EFCAB6: variants seen among roughly 807,000 people sequenced by gnomAD.
EFCAB6 encodes EF-hand calcium binding domain 6.
Under a neutral mutation model 169.8 loss-of-function variants are expected in EFCAB6, and 156 were observed. That is an observed-to-expected ratio of 0.92 (90% CI 0.81 to 1.05). The LOEUF (loss-of-function observed/expected upper bound fraction) is 1.05. EFCAB6 is among the 50% of genes least tolerant of loss of function. The pLI is 0.00. For synonymous variants in EFCAB6, 698 were observed against 676.4 expected (o/e 1.03, Z -0.50); for missense variants, 1,800 against 1,829.1 (o/e 0.98, Z 0.29).
chr22:43,746,839 T>G (rs571567338), intron 6 of EFCAB6, among the ~76,000 whole-genome samples: 2 of 152,324 alleles, frequency 1.3e-5, no homozygotes, highest in Admixed American at 6.5e-5. Context: ...CCCACACTCA[T>G]AGGATGGGTA....
At chr22:43,641,182 T>A (rs1440106112) in intron 17 of EFCAB6, among the ~76,000 whole-genome samples, 1 of 152,194 alleles carries the variant, frequency 6.6e-6, no homozygotes, top group Non-Finnish European at 1.5e-5. Flanking sequence ...GATGTCAACA[T>A]ACGGAACAGC....
At chr22:43,627,938 A>T (rs1002416233) in intron 19 of EFCAB6, among the ~76,000 whole-genome samples, 11 of 152,212 alleles carry the variant, frequency 7.2e-5, no homozygotes, top group Non-Finnish European at 1.5e-4. Context: ...GTGGAAATGA[A>T]TTTAAAAGAT....
At position 43,608,602 on chromosome 22, in the gene EFCAB6, TACA is replaced by T. The variant is rs773630878; in HGVS notation, c.2563-5_2563-3del. On this transcript the variant is annotated splice_region_variant and splice_polypyrimidine_tract_variant and intron_variant, in intron 21 of 31. Transcript: ENST00000262726. ...CTCATTATCGGTTTCTAGAAAATTC[TACA>T]ACATCAGAATACGGTATTTAGGAAC... is the stretch of plus-strand genomic sequence containing the variant. 8 of 1,613,850 alleles carry T rather than the reference TACA, an allele frequency of 5.0e-6. No individual in the cohort carries two copies. In the South Asian group the frequency reaches 6.6e-5, roughly 13 times the overall value.
chr22:43,663,224 C>T lies in EFCAB6; in HGVS notation c.1983+3880G>A, dbSNP rs149430936. On this transcript the variant is annotated intron_variant, in intron 17 of 31. Coordinates refer to ENST00000262726, the MANE Select transcript of EFCAB6 (RefSeq NM_022785.4). ...ATTGCCATTACAAAATTACTATTGT[C>T]CATTATACTTAGAGCTCTCTTGAGA... 7.5e-3 allele frequency among the ~76,000 whole-genome samples: 1,146 copies of T among 152,302 alleles called. 7 individuals are homozygous for T. The highest frequency in any genetic ancestry group is 0.017 in the Middle Eastern group (5 of 294).
intron 2 of EFCAB6, among the ~76,000 whole-genome samples, chr22:43,784,571 G>GTA (rs1172964109): frequency 2.1e-4 from 13 of 62,672 alleles, no homozygotes; most frequent in African/African-American, 6.2e-4. Context: ...ATATATATGT[G>GTA]TACATATACA....
intron 2 of EFCAB6, among the ~76,000 whole-genome samples, chr22:43,785,053 T>C (rs560392484): frequency 2.0e-5 from 3 of 152,006 alleles, no homozygotes; most frequent in Admixed American, 6.6e-5. Context: ...ACTAACTAAA[T>C]TGGAAAATAG....
chr22:43,581,903 A>C (rs1887303802), intron 24 of EFCAB6, among the ~76,000 whole-genome samples: 1 of 152,226 alleles, frequency 6.6e-6, no homozygotes, highest in African/African-American at 2.4e-5. Flanking sequence ...TGTAGTAATA[A>C]AATCATATGC....
chr22:43,539,008 C>T (rs2147054374), intron 28 of EFCAB6, among the ~76,000 whole-genome samples: 1 of 152,262 alleles, frequency 6.6e-6, no homozygotes, highest in South Asian at 2.1e-4. Flanking sequence ...TTGTGGCCCC[C>T]TCCTCTCTCT....
rs2147719321 is a variant in EFCAB6 at position 43,615,996 on chromosome 22, A to G, written c.2466-74T>C. 11 of 1,272,396 alleles carry G rather than the reference A, an allele frequency of 8.6e-6. No individual in the cohort carries two copies. In the South Asian group the frequency reaches 1.2e-4, roughly 14 times the overall value. 78.8% of individuals were successfully genotyped at this position (1,272,396 alleles called of 1,614,324 possible). A position where few individuals can be genotyped will look rare whatever the true frequency, so the allele number is the denominator to read the frequency against. ...CATTAATCTCCCAAGGGGTTTCCCT[A>G]TCCCCCCTGTTTGTTTCAAGGATAC... On this transcript the variant is annotated intron_variant, in intron 20 of 31. Transcript: ENST00000262726.
chr22:43,731,194 T>C lies in EFCAB6; in HGVS notation c.757+505A>G, dbSNP rs371463903. On this transcript the variant is annotated intron_variant, in intron 8 of 31. Transcript: ENST00000262726. ...TGGAGGAGGCTGGAGTAAAGACTGT[T>C]CGCACGAGGAAACACGTTCTGTCTC... is the stretch of plus-strand genomic sequence containing the variant. Among the ~76,000 whole-genome samples, 51 of 152,320 alleles carry C rather than the reference T, an allele frequency of 3.3e-4. No homozygotes were observed. In the South Asian group the frequency reaches 0.011, roughly 32 times the overall value.
At chr22:43,581,093 A>G (rs1400368800) in intron 24 of EFCAB6, among the ~76,000 whole-genome samples, 1 of 152,168 alleles carries the variant, frequency 6.6e-6, no homozygotes, top group Non-Finnish European at 1.5e-5. Context: ...CGGCTCAAAG[A>G]CAGTGTGGAA....
At chr22:43,600,734 G>T (rs961302499) in intron 22 of EFCAB6, among the ~76,000 whole-genome samples, 7 of 152,254 alleles carry the variant, frequency 4.6e-5, no homozygotes, top group African/African-American at 1.7e-4. Context: ...TGCGAGCTGG[G>T]CTCACTACAA....
At position 43,554,706 on chromosome 22, in the gene EFCAB6, C is replaced by T. The variant is rs1163334253; in HGVS notation, c.3648+163G>A. ...GTGTAATTTATAGTTGTTACATAAA[C>T]AGAAGATTCCTGTGAATCTTCAGGA... On this transcript the variant is annotated intron_variant, in intron 27 of 31. Transcript: ENST00000262726. The T allele has an allele frequency of 6.2e-6, 4 of 640,822 alleles. No individual in the cohort carries two copies. In the East Asian group the frequency reaches 8.2e-5, roughly 13 times the overall value. The allele number at this position is 640,822 out of a possible 1,614,324, so 39.7% of individuals were successfully genotyped here.
At chr22:43,565,036 C>T (rs1014275637) in intron 26 of EFCAB6, among the ~76,000 whole-genome samples, 1 of 152,196 alleles carries the variant, frequency 6.6e-6, no homozygotes, top group Non-Finnish European at 1.5e-5. Flanking sequence ...GTGGCAGCTC[C>T]CACTACAGAA....
At chr22:43,773,244 T>C in intron 3 of EFCAB6, 141 bp from the exon 4 acceptor site, 1 of 795,756 alleles carries the variant, frequency 1.3e-6, no homozygotes, top group Non-Finnish European at 2.0e-6. Context: ...GTATCACCGT[T>C]AGATGACTTG....
At chr22:43,724,254 G>A (rs2059639927) in intron 8 of EFCAB6, among the ~76,000 whole-genome samples, 1 of 152,228 alleles carries the variant, frequency 6.6e-6, no homozygotes, top group Admixed American at 6.5e-5. Context: ...AGCCAAGTTT[G>A]CAACTGTATA....
chr22:43,654,938 T>C (rs762952670), intron 17 of EFCAB6, among the ~76,000 whole-genome samples: 2 of 149,948 alleles, frequency 1.3e-5, no homozygotes, highest in African/African-American at 2.5e-5. Flanking sequence ...ATTTACCATA[T>C]GAAATAATAA....
At chr22:43,754,314 A>G (rs1405959222) in intron 6 of EFCAB6, among the ~76,000 whole-genome samples, 2 of 152,136 alleles carry the variant, frequency 1.3e-5, no homozygotes, top group African/African-American at 2.4e-5. Context: ...CTTGCCTGAG[A>G]CCACGTGGTT....
At chr22:43,610,434 C>T (rs1258406672) in intron 21 of EFCAB6, among the ~76,000 whole-genome samples, 2 of 152,178 alleles carry the variant, frequency 1.3e-5, no homozygotes, top group African/African-American at 4.8e-5. Context: ...TACTCAATCT[C>T]ACTAATAACA....
Sources: gnomAD v4.1 joint callset for allele counts (sites outside exome capture counted in the v4.1 genomes callset) on GRCh38, gnomAD v4.1.1 for gene constraint, MANE v1.5 for transcripts, NCBI Gene and HGNC (gene_info 2026-07-23, HGNC 2026-07-21) for gene names.